DMD: variants seen among roughly 807,000 people sequenced by gnomAD.
DMD encodes mutant dystrophin.
Under a neutral mutation model 330.1 loss-of-function variants are expected in DMD, and 63 were observed. The ratio of observed to expected loss-of-function variants is 0.19; its 90% CI spans 0.16 to 0.24. The LOEUF (loss-of-function observed/expected upper bound fraction) is 0.24, where lower values mean the gene tolerates loss of function less well. Ranked by LOEUF, DMD falls within the 10% of genes least tolerant of loss-of-function variation. The pLI is 1.00. For missense variants in DMD, 3,344 were observed against 2,684.1 expected (o/e 1.25, Z -5.43); for synonymous variants, 1,223 against 959.8 (o/e 1.27, Z -5.07).
At chrX:33,122,999 G>T (rs141617398) in intron 1 of DMD, among the ~76,000 whole-genome samples, 3 of 112,167 alleles carry the variant, frequency 2.7e-5, no homozygotes, top group Non-Finnish European at 3.8e-5. Context: ...TGCATATACC[G>T]CAGTGGTCCC....
intron 63 of DMD, among the ~76,000 whole-genome samples, chrX:31,234,903 A>C (rs1042098115): frequency 2.7e-5 from 3 of 111,231 alleles, no homozygotes; most frequent in African/African-American, 9.8e-5. Flanking sequence ...GGTGGATGGA[A>C]AACTACTAAG....
chrX:31,293,216 T>TGTGTGAGTGTGTGTGTAGTCTGGTTTA (rs2053883091), intron 62 of DMD, among the ~76,000 whole-genome samples: 3 of 94,343 alleles, frequency 3.2e-5, no homozygotes, highest in African/African-American at 1.4e-4. Context: ...TGTGTGTGTG[T>TGTGTGAGTGTGTGTGTAGTCTGGTTTA]GTGTGTGTGT....
At chrX:32,173,066 G>GGGGTGTGTGTGTGTGT (rs1246394111) in intron 44 of DMD, among the ~76,000 whole-genome samples, 11 of 89,627 alleles carry the variant, frequency 1.2e-4, no homozygotes, top group African/African-American at 4.3e-4. Context: ...ACCTGATTTT[G>GGGGTGTGTGTGTGTGT]GTGTGTGTGT....
At chrX:32,929,149 T>C (rs1402914888) in intron 2 of DMD, among the ~76,000 whole-genome samples, 2 of 110,864 alleles carry the variant, frequency 1.8e-5, no homozygotes, top group African/African-American at 6.6e-5. Context: ...GAGTAGATAA[T>C]GAGTTCCATT....
At chrX:32,063,166 A>T (rs2096238900) in intron 44 of DMD, among the ~76,000 whole-genome samples, 1 of 86,611 alleles carries the variant, frequency 1.2e-5, no homozygotes, top group African/African-American at 4.7e-5. Context: ...TTTCTACTCA[A>T]ATAATGTTTT....
intron 56 of DMD, among the ~76,000 whole-genome samples, chrX:31,506,767 A>G (rs960963201): frequency 1.8e-5 from 2 of 112,323 alleles, no homozygotes; most frequent in Non-Finnish European, 3.8e-5. Context: ...GAAGCAAAAG[A>G]CAGGAAGTTG....
chrX:31,551,297 TGA>T (rs2074473699), intron 55 of DMD, among the ~76,000 whole-genome samples: 2 of 110,513 alleles, frequency 1.8e-5, no homozygotes, highest in African/African-American at 6.6e-5. Context: ...ATTATCCCAG[TGA>T]GGGGAGAGAA....
intron 47 of DMD, among the ~76,000 whole-genome samples, chrX:31,918,346 TGTTGAACCTGGGTCTAGACTGA>T (rs2094638220): frequency 9.0e-6 from 1 of 111,348 alleles, no homozygotes; most frequent in South Asian, 3.8e-4. Flanking sequence ...AGTTAGTGAG[TGTTGAACCTGGGTCTAGACTGA>T]GTTATGAACT....
chrX:31,178,429 G>C, intron 70 of DMD: 2 of 926,922 alleles, frequency 2.2e-6, no homozygotes, highest in Non-Finnish European at 2.7e-6. Context: ...GTATTGTGTT[G>C]TGGTTTTTTT....
intron 48 of DMD, among the ~76,000 whole-genome samples, chrX:31,865,636 A>G (rs1035181063): frequency 1.8e-3 from 76 of 41,930 alleles, no homozygotes; most frequent in Non-Finnish European, 1.7e-3. Context: ...TTGGGAATCC[A>G]TTGGTAAGTC....
chrX:32,541,992 A>G (rs775226708), intron 17 of DMD, among the ~76,000 whole-genome samples: 2 of 111,901 alleles, frequency 1.8e-5, no homozygotes, highest in South Asian at 7.5e-4. Context: ...ATGAACATTG[A>G]GGCAGTTGCT....
chrX:31,153,681 C>T (rs1235504817), intron 74 of DMD, among the ~76,000 whole-genome samples: 2 of 112,190 alleles, frequency 1.8e-5, no homozygotes, highest in African/African-American at 6.5e-5. Context: ...AAGGTTCCCT[C>T]AGTATTAATT....
At chrX:32,676,304 C>A (rs1022304156) in intron 9 of DMD, among the ~76,000 whole-genome samples, 8 of 111,222 alleles carry the variant, frequency 7.2e-5, no homozygotes, top group Non-Finnish European at 1.3e-4. Context: ...TCTTGTCTTT[C>A]CACGAACACA....
At chrX:32,258,610 C>T (rs1443349279) in intron 43 of DMD, among the ~76,000 whole-genome samples, 2 of 109,861 alleles carry the variant, frequency 1.8e-5, no homozygotes, top group African/African-American at 3.3e-5. Flanking sequence ...GGGAGTTGAA[C>T]GATGAGAACA....
chrX:31,827,768 C>A (rs1399319387), intron 49 of DMD, among the ~76,000 whole-genome samples: 1 of 111,709 alleles, frequency 9.0e-6, no homozygotes, highest in Non-Finnish European at 1.9e-5. Context: ...AAAAGGAACC[C>A]TCAAAACTAT....
chrX:32,549,826 T>C (rs981191544), intron 16 of DMD, among the ~76,000 whole-genome samples: 6 of 111,752 alleles, frequency 5.4e-5, no homozygotes. Flanking sequence ...TTCCATCTTC[T>C]CTTCCACTTG....
At chrX:33,117,002 G>T (rs765979021) in intron 1 of DMD, among the ~76,000 whole-genome samples, 2 of 110,198 alleles carry the variant, frequency 1.8e-5, no homozygotes, top group South Asian at 7.7e-4. Flanking sequence ...GAAAGCCTTG[G>T]AACTTTCGGC....
chrX:33,164,513 C>A (rs1343375166), intron 1 of DMD, among the ~76,000 whole-genome samples: 1 of 111,984 alleles, frequency 8.9e-6, no homozygotes, highest in Non-Finnish European at 1.9e-5. Flanking sequence ...TCCGGGCTTA[C>A]TTTCTAAAAG....
intron 44 of DMD, among the ~76,000 whole-genome samples, chrX:32,208,556 C>T (rs2097080788): frequency 9.0e-6 from 1 of 111,379 alleles, no homozygotes. Context: ...GGAGGACTGT[C>T]AATTAGGGGG....
Sources: gnomAD v4.1 joint callset for allele counts (sites outside exome capture counted in the v4.1 genomes callset) on GRCh38, gnomAD v4.1.1 for gene constraint, MANE v1.5 for transcripts, NCBI Gene and HGNC (gene_info 2026-07-23, HGNC 2026-07-21) for gene names.